Variants in WDR59 observed in about 807,000 individuals in gnomAD.
WDR59 encodes GATOR2 complex protein WDR59.
In WDR59, 100 loss-of-function variants were observed where a neutral mutation model predicts 131.2. The observed-to-expected ratio is 0.76, with a 90% CI of 0.65 to 0.90. The LOEUF is 0.90. WDR59 is among the 40% of genes least tolerant of loss of function. WDR59 has a pLI of 0.00. For synonymous variants in WDR59, 601 were observed against 466.2 expected, an observed-to-expected ratio of 1.29 and a Z score of -3.72; for missense variants, 1,203 against 1,262.2, an observed-to-expected ratio of 0.95 and a Z score of 0.71.
intron 11 of WDR59, 39 bp from the exon 12 acceptor site, chr16:74,916,298 C>A (rs16950254): frequency 6.2e-7 from 1 of 1,611,256 alleles, no homozygotes; most frequent in South Asian, 1.1e-5. Context: ...TAGAGAAGTC[C>A]GTGGAAATGA....
intron 8 of WDR59, among the ~76,000 whole-genome samples, chr16:74,929,428 A>G (rs891231485): frequency 6.6e-6 from 1 of 152,240 alleles, no homozygotes; most frequent in African/African-American, 2.4e-5. Flanking sequence ...ATATGAAAAG[A>G]TGCTCAACAT....
At chr16:74,904,844 A>G (rs1041945328) in intron 17 of WDR59, among the ~76,000 whole-genome samples, 4 of 152,232 alleles carry the variant, frequency 2.6e-5, no homozygotes, top group Non-Finnish European at 5.9e-5. Flanking sequence ...GTCCAGAAAG[A>G]CCACAAATAT....
intron 1 of WDR59, among the ~76,000 whole-genome samples, chr16:74,974,209 T>G (rs2034097405): frequency 1.3e-5 from 2 of 152,012 alleles, no homozygotes. Context: ...TAAATTTAAT[T>G]AAATGGAAAC....
chr16:74,961,481 T>C (rs572816276), intron 2 of WDR59, among the ~76,000 whole-genome samples: 54 of 152,348 alleles, frequency 3.5e-4, no homozygotes, highest in African/African-American at 1.2e-3. Context: ...TTTTTAATAA[T>C]TGCCACTCTG....
chr16:74,888,114 T>C, intron 22 of WDR59, 55 bp downstream of exon 22: 8 of 1,325,894 alleles, frequency 6.0e-6, no homozygotes, highest in Admixed American at 3.3e-5. Context: ...TAAAACTCCG[T>C]CTCAAAAAAA....
intron 1 of WDR59, among the ~76,000 whole-genome samples, chr16:74,976,985 T>C (rs748796744): frequency 4.0e-5 from 6 of 151,830 alleles, no homozygotes; most frequent in Non-Finnish European, 7.4e-5. Context: ...CTGGGCGACA[T>C]TGCGAGACCC....
At chr16:74,912,514 A>T (rs1036308767) in intron 13 of WDR59, 152 bp from the exon 14 acceptor site, 12 of 909,502 alleles carry the variant, frequency 1.3e-5, no homozygotes, top group Non-Finnish European at 1.9e-5. Flanking sequence ...ATTCATTTTC[A>T]AAAAGATTCT....
At chr16:74,945,887 C>G (rs1339671322) in intron 6 of WDR59, among the ~76,000 whole-genome samples, 1 of 148,606 alleles carries the variant, frequency 6.7e-6, no homozygotes, top group East Asian at 2.0e-4. Flanking sequence ...GGCGTGATCT[C>G]GCTCACCGCA....
At chr16:74,907,576 A>T (rs1322014728) in intron 17 of WDR59, among the ~76,000 whole-genome samples, 1 of 152,140 alleles carries the variant, frequency 6.6e-6, no homozygotes, top group Non-Finnish European at 1.5e-5. Context: ...TTTCTTTATA[A>T]ATTACCCAGT....
chr16:74,891,824 T>G (rs1326059881), intron 20 of WDR59, among the ~76,000 whole-genome samples: 2 of 152,176 alleles, frequency 1.3e-5, no homozygotes, highest in African/African-American at 4.8e-5. Context: ...CTCGGGAGGC[T>G]GAGGCAGGAG....
chr16:74,874,002 C>A lies in WDR59; in HGVS notation c.*207G>T. ...CGCAGCTCTGCACTTCTGTCCTTAT[C>A]TTCACACAGTGACATCCACACCAGG... On this transcript the variant is annotated 3_prime_UTR_variant, in exon 26 of 26. Transcript: ENST00000262144. 1.7e-6 allele frequency: 1 copy of A among 584,034 alleles called. No homozygotes were observed. The highest frequency in any genetic ancestry group is 3.1e-6 in the Non-Finnish European group (1 of 326,890). 36.2% of individuals were successfully genotyped at this position (584,034 alleles called of 1,614,324 possible).
intron 11 of WDR59, among the ~76,000 whole-genome samples, chr16:74,916,989 C>T (rs1966420711): frequency 6.6e-6 from 1 of 152,104 alleles, no homozygotes; most frequent in Non-Finnish European, 1.5e-5. Flanking sequence ...TCATACTAAG[C>T]AGTGTTGAAA....
At chr16:74,950,862 A>G (rs1187617070) in intron 4 of WDR59, among the ~76,000 whole-genome samples, 3 of 151,944 alleles carry the variant, frequency 2.0e-5, no homozygotes, top group African/African-American at 7.3e-5. Context: ...CCTATGTTGA[A>G]AATCAGCTCT....
rs4888312 is a variant in WDR59, at chr16:74,924,716, C to T, written c.652-713G>A. Among the ~76,000 whole-genome samples the T allele has an allele frequency of 2.4e-3, 358 of 151,992 alleles. 9 individuals carry two copies. In the East Asian group the frequency reaches 0.062, roughly 26 times the overall value. ...AAAGGCAGGAAAGCCAAGAGTGAAA[C>T]TCGGAACTGCTTAAGTTTAGGAAAT... On this transcript the variant is annotated intron_variant, in intron 8 of 25. Coordinates refer to ENST00000262144, the MANE Select transcript of WDR59 (RefSeq NM_030581.4).
At chr16:74,890,101 T>C (rs1300979239) in intron 20 of WDR59, among the ~76,000 whole-genome samples, 1 of 152,216 alleles carries the variant, frequency 6.6e-6, no homozygotes, top group Non-Finnish European at 1.5e-5. Flanking sequence ...TGACACAGTG[T>C]AATAATTTCA....
chr16:74,965,784 T>C lies in WDR59; in HGVS notation c.93A>G (p.Ala31=), dbSNP rs376539535. ...AMSVDCLGQH[A]VLSGRRFLYI... Reference sequence around the variant, plus strand: ...GCAAGCTTACTTACCCAGAAAGCACTGCATGCTGCCCAAGACAGTCCACAG... The same window carrying C: ...GCAAGCTTACTTACCCAGAAAGCACCGCATGCTGCCCAAGACAGTCCACAG... The change falls in exon 2 of 26, where the codon GCA becomes GCG. Residue 31 remains alanine (A), a synonymous_variant. Coordinates refer to ENST00000262144, the MANE Select transcript of WDR59 (RefSeq NM_030581.4). The C allele has an allele frequency of 1.9e-6, 3 of 1,614,046 alleles. No homozygotes were observed. The highest frequency in any genetic ancestry group is 2.5e-6 in the Non-Finnish European group (3 of 1,180,034).
chr16:74,959,457 T>G, intron 2 of WDR59: 6 of 434,790 alleles, frequency 1.4e-5, no homozygotes, highest in South Asian at 9.8e-5. Context: ...TAGGGACTAA[T>G]GCAACAGAAA....
Position 74,889,795 on chromosome 16 carries a change from T to A in WDR59, c.2103A>T (p.Val701=), listed in dbSNP as rs771002476. The A allele has an allele frequency of 3.1e-6, 5 of 1,614,010 alleles. No individual in the cohort carries two copies. In the Admixed American group the frequency reaches 8.3e-5, roughly 27 times the overall value. Residue 701 remains valine (V), a synonymous_variant, in exon 21 of 26, where the codon GTA becomes GTT. Transcript: ENST00000262144. ...TCGGACCAAGGCAAAGATCTGTAGCTACCGTAGCCAGCGACCAAACCTGGA... is the reference window on the plus strand; with the variant it reads ...TCGGACCAAGGCAAAGATCTGTAGCAACCGTAGCCAGCGACCAAACCTGGA... ...DLVQVWSLAT[V]ATDLCLGPKS... is the part of the protein sequence containing the mutation.
chr16:74,961,633 C>A (rs528521373), intron 2 of WDR59, among the ~76,000 whole-genome samples: 1 of 151,900 alleles, frequency 6.6e-6, no homozygotes, highest in South Asian at 2.1e-4. Context: ...CACTTTTTAA[C>A]GGGGTTGTTT....
Sources: gnomAD v4.1 joint callset for allele counts (sites outside exome capture counted in the v4.1 genomes callset) on GRCh38, gnomAD v4.1.1 for gene constraint, MANE v1.5 for transcripts, NCBI Gene and HGNC (gene_info 2026-07-23, HGNC 2026-07-21) for gene names.